Variants in RPSA2 observed in about 807,000 individuals in gnomAD.
RPSA2 encodes the protein ribosomal protein SA 2.
chr19:23,782,059 T>C, the RPSA2 span: 3 of 153,068 alleles, frequency 2.0e-5, no homozygotes, highest in Non-Finnish European at 4.4e-5. Context: ...TGAGAATCTT[T>C]TGCTTTTGCC....
chr19:23,818,867 G>C, the RPSA2 span: 1 of 152,732 alleles, frequency 6.5e-6, no homozygotes. Flanking sequence ...AGATTGAGTA[G>C]GTTATCTGGT....
At chr19:23,849,457 C>T in the RPSA2 span, among the ~76,000 whole-genome samples, 13 of 152,134 alleles carry the variant, frequency 8.5e-5, no homozygotes, top group East Asian at 3.9e-4. Flanking sequence ...ATCATGGATG[C>T]GAGGGGCAGC....
At chr19:23,817,052 A>T in the RPSA2 span, among the ~76,000 whole-genome samples, 2 of 152,244 alleles carry the variant, frequency 1.3e-5, no homozygotes, top group African/African-American at 4.8e-5. Context: ...TGAATATAAA[A>T]TTATACCTCT....
the RPSA2 span, among the ~76,000 whole-genome samples, chr19:23,810,631 A>G: frequency 6.6e-6 from 1 of 152,142 alleles, no homozygotes; most frequent in East Asian, 1.9e-4. Flanking sequence ...GTTTCTACAT[A>G]GGCAGAACCG....
At chr19:23,810,481 A>G in the RPSA2 span, among the ~76,000 whole-genome samples, 1 of 148,458 alleles carries the variant, frequency 6.7e-6, no homozygotes, top group Admixed American at 6.7e-5. Flanking sequence ...CAGAGTGAAT[A>G]TCTTTCAGGA....
the RPSA2 span, among the ~76,000 whole-genome samples, chr19:23,794,207 G>A: frequency 6.6e-6 from 1 of 152,164 alleles, no homozygotes; most frequent in Non-Finnish European, 1.5e-5. Flanking sequence ...ATTTCTTTGG[G>A]TATATACCCA....
At chr19:23,829,631 G>T in the RPSA2 span, among the ~76,000 whole-genome samples, 1 of 152,086 alleles carries the variant, frequency 6.6e-6, no homozygotes, top group African/African-American at 2.4e-5. Context: ...ATATTTTTGT[G>T]GTACCTTGGG....
At chr19:23,846,525 C>A in the RPSA2 span, among the ~76,000 whole-genome samples, 1 of 152,006 alleles carries the variant, frequency 6.6e-6, no homozygotes, top group East Asian at 1.9e-4. Flanking sequence ...TATTGGAAAT[C>A]CCTGGAACAT....
At chr19:23,781,770 G>A in the RPSA2 span, among the ~76,000 whole-genome samples, 1 of 152,204 alleles carries the variant, frequency 6.6e-6, no homozygotes, top group African/African-American at 2.4e-5. Context: ...CAGGACATGT[G>A]TGTAATTGTT....
chr19:23,833,584 T>G, the RPSA2 span, among the ~76,000 whole-genome samples: 1 of 152,212 alleles, frequency 6.6e-6, no homozygotes, highest in Non-Finnish European at 1.5e-5. Flanking sequence ...TTCTAACTAA[T>G]GCTCACACGT....
At chr19:23,840,128 C>T in the RPSA2 span, among the ~76,000 whole-genome samples, 1 of 152,172 alleles carries the variant, frequency 6.6e-6, no homozygotes, top group Admixed American at 6.5e-5. Context: ...ATGAATGTGT[C>T]CCAGGTCAAA....
At chr19:23,800,603 GA>G in the RPSA2 span, among the ~76,000 whole-genome samples, 1 of 86,692 alleles carries the variant, frequency 1.2e-5, no homozygotes, top group South Asian at 5.4e-4. Flanking sequence ...GGCTAGAGCA[GA>G]TTTCTACAAA....
the RPSA2 span, among the ~76,000 whole-genome samples, chr19:23,759,058 GT>G: frequency 1.3e-5 from 2 of 152,196 alleles, no homozygotes; most frequent in East Asian, 3.9e-4. Flanking sequence ...GACTAACAAC[GT>G]AAGTTGCAGC....
At chr19:23,769,932 G>A in the RPSA2 span, among the ~76,000 whole-genome samples, 1 of 152,182 alleles carries the variant, frequency 6.6e-6, no homozygotes, top group Non-Finnish European at 1.5e-5. Flanking sequence ...CCTAGGTGAT[G>A]TGACACTCCT....
At chr19:23,860,260 C>A in the RPSA2 span, among the ~76,000 whole-genome samples, 1 of 152,148 alleles carries the variant, frequency 6.6e-6, no homozygotes, top group African/African-American at 2.4e-5. Flanking sequence ...TCCACACGAC[C>A]CTCCCAAACT....
the RPSA2 span, among the ~76,000 whole-genome samples, chr19:23,770,276 G>C: frequency 6.6e-6 from 1 of 152,236 alleles, no homozygotes; most frequent in African/African-American, 2.4e-5. Context: ...ATTGTGATGT[G>C]TTGCTGGACT....
the RPSA2 span, among the ~76,000 whole-genome samples, chr19:23,855,897 C>G: frequency 6.6e-6 from 1 of 152,002 alleles, no homozygotes; most frequent in Non-Finnish European, 1.5e-5. Context: ...GCAAAGACCG[C>G]AAAGGTTTGG....
the RPSA2 span, among the ~76,000 whole-genome samples, chr19:23,851,893 G>C: frequency 2.6e-5 from 4 of 152,314 alleles, no homozygotes; most frequent in African/African-American, 9.6e-5. Flanking sequence ...CCACAGTATG[G>C]AATGTTGAGA....
chr19:23,835,994 T>TA, the RPSA2 span, among the ~76,000 whole-genome samples: 2 of 152,182 alleles, frequency 1.3e-5, no homozygotes, highest in African/African-American at 4.8e-5. Context: ...AGAATATATA[T>TA]TTTTTTAATT....
Sources: allele counts gnomAD v4.1 joint callset (sites outside exome capture counted in the v4.1 genomes callset), GRCh38; gene constraint gnomAD v4.1.1; transcripts MANE v1.5; gene names NCBI Gene and HGNC (gene_info 2026-07-23, HGNC 2026-07-21).